Variants in ZNF732 observed in about 807,000 individuals in gnomAD.
ZNF732 encodes the protein zinc finger protein LOC654254.
A neutral mutation model predicts 11.5 loss-of-function variants in ZNF732; 12 were observed. The observed-to-expected ratio is 1.05, with a 90% CI of 0.67 to 1.70. ZNF732 has a LOEUF of 1.70. Among genes scored for constraint, ZNF732 ranks in the 40% most tolerant of loss-of-function variants. The pLI, the probability that ZNF732 is intolerant of heterozygous loss-of-function variation, is 0.00. For synonymous variants in ZNF732, 231 were observed against 236.5 expected, an observed-to-expected ratio of 0.98 and a Z score of 0.21; for missense variants, 702 against 676.9, an observed-to-expected ratio of 1.04 and a Z score of -0.41.
At chr4:286,927 C>T (rs577997664) in intron 3 of ZNF732, among the ~76,000 whole-genome samples, 50 of 152,080 alleles carry the variant, frequency 3.3e-4, no homozygotes, top group Non-Finnish European at 5.3e-4. Flanking sequence ...CCAAGGTGGG[C>T]GGATCACGGG....
chr4:273,760 A>G (rs575751086), intron 3 of ZNF732, among the ~76,000 whole-genome samples: 123 of 152,004 alleles, frequency 8.1e-4, no homozygotes, highest in South Asian at 5.2e-3. Flanking sequence ...GGAGCTGCAA[A>G]ATAAAAGTGA....
intron 3 of ZNF732, among the ~76,000 whole-genome samples, chr4:292,890 CAAAAAAAAAAAA>C (rs34118991): frequency 2.6e-4 from 21 of 79,410 alleles, no homozygotes; most frequent in African/African-American, 3.9e-4. Flanking sequence ...ACTAAAAACA[CAAAAAAAAAAAA>C]AAAAAAAAAA....
chr4:280,028 A>G (rs1226497439), intron 3 of ZNF732, among the ~76,000 whole-genome samples: 3 of 152,182 alleles, frequency 2.0e-5, no homozygotes. Flanking sequence ...TAAACACCAC[A>G]TGGTCATAAA....
chr4:274,784 T>G (rs1581532147), intron 3 of ZNF732, among the ~76,000 whole-genome samples: 2 of 151,618 alleles, frequency 1.3e-5, no homozygotes, highest in African/African-American at 4.8e-5. Context: ...TAAAAAGTCA[T>G]AAGAAAGAAG....
intron 3 of ZNF732, among the ~76,000 whole-genome samples, chr4:283,420 TG>T: frequency 6.6e-6 from 1 of 150,904 alleles, no homozygotes; most frequent in African/African-American, 2.4e-5. Context: ...GGTTCAAGGA[TG>T]AAAAAAAAAT....
At chr4:297,607 TAAAAAAAA>T (rs57681246) in intron 1 of ZNF732, among the ~76,000 whole-genome samples, 3 of 100,992 alleles carry the variant, frequency 3.0e-5, no homozygotes, top group African/African-American at 7.4e-5. Flanking sequence ...TTAAGATTTG[TAAAAAAAA>T]AAAAAAAAAA....
At chr4:274,650 TAAAAAGACTG>T (rs1473864569) in intron 3 of ZNF732, among the ~76,000 whole-genome samples, 3 of 151,600 alleles carry the variant, frequency 2.0e-5, no homozygotes, top group African/African-American at 7.2e-5. Context: ...TGTAATGATT[TAAAAAGACTG>T]AAAAAGGCAA....
At chr4:293,256 A>ATATATAATATATATG (rs1553841642) in intron 3 of ZNF732, among the ~76,000 whole-genome samples, 8 of 131,700 alleles carry the variant, frequency 6.1e-5, no homozygotes, top group African/African-American at 2.6e-4. Context: ...ATATATATAT[A>ATATATAATATATATG]CACATATATA....
intron 3 of ZNF732, among the ~76,000 whole-genome samples, chr4:274,257 G>A (rs1553838361): frequency 2.0e-5 from 3 of 151,506 alleles, no homozygotes; most frequent in African/African-American, 7.3e-5. Context: ...ATGAAGTTGA[G>A]GGCAGATGTA....
Position 296,009 on chromosome 4 carries a change from T to C in ZNF732, c.130+20A>G, listed in dbSNP as rs540166344. 4.5e-4 allele frequency: 723 copies of C among 1,606,064 alleles called. 6 individuals are homozygous for C. Among genetic ancestry groups the C allele is most frequent in the Admixed American group, 3.5e-3 (199 of 57,162 alleles). ...CTCCCTGAGGGAGTATTAGGAATTA[T>C]TTACTGAAGTTATCCTCACCCAGGG... On this transcript the variant is annotated intron_variant, in intron 2 of 3. Transcript: ENST00000419098.
intron 1 of ZNF732, among the ~76,000 whole-genome samples, chr4:298,735 C>T (rs889708218): frequency 1.3e-5 from 2 of 152,222 alleles, no homozygotes; most frequent in South Asian, 2.1e-4. Context: ...TGGATCCAGA[C>T]GTGATAGCCC....
chr4:286,768 T>C (rs1259150478), intron 3 of ZNF732, among the ~76,000 whole-genome samples: 2 of 152,180 alleles, frequency 1.3e-5, no homozygotes, highest in African/African-American at 4.8e-5. Flanking sequence ...CATAAAGGTT[T>C]GTTGTACAGA....
intron 3 of ZNF732, among the ~76,000 whole-genome samples, chr4:284,891 A>AAAAAAAAAG (rs782343752): frequency 5.0e-4 from 64 of 129,106 alleles, no homozygotes; most frequent in South Asian, 1.0e-3. Context: ...AAAAAAAAAA[A>AAAAAAAAAG]AAGAAGAAGA....
intron 3 of ZNF732, among the ~76,000 whole-genome samples, chr4:295,224 C>A (rs1719921933): frequency 6.6e-6 from 1 of 152,180 alleles, no homozygotes; most frequent in Admixed American, 6.5e-5. Flanking sequence ...TCCCTGTAAA[C>A]TTGAAGGGAG....
At position 282,779 on chromosome 4, in the gene ZNF732, CA is replaced by C. The variant is rs879985452; in HGVS notation, c.227-10150del. ...ATATTTTATGGTCCCTTGGAAATTA[CA>C]AAAAAAAAAATGTTGAAGATACATA... On this transcript the variant is annotated intron_variant, in intron 3 of 3. Transcript: ENST00000419098. 6.6e-3 allele frequency among the ~76,000 whole-genome samples: 874 copies of C among 131,486 alleles called. 18 individuals are homozygous for C. The highest frequency in any genetic ancestry group is 0.038 in the Admixed American group (509 of 13,324). The allele number at this position is 131,486 out of a possible 152,430, so 86.3% of individuals were successfully genotyped here. A position where few individuals can be genotyped will look rare whatever the true frequency, so the allele number is the denominator to read the frequency against.
At chr4:286,233 C>T (rs1189746188) in intron 3 of ZNF732, among the ~76,000 whole-genome samples, 1 of 152,158 alleles carries the variant, frequency 6.6e-6, no homozygotes, top group Non-Finnish European at 1.5e-5. Context: ...AAGCATCATA[C>T]ATCATTACTT....
At chr4:301,233 G>A (rs1448553543) in intron 1 of ZNF732, among the ~76,000 whole-genome samples, 1 of 152,198 alleles carries the variant, frequency 6.6e-6, no homozygotes, top group East Asian at 1.9e-4. Flanking sequence ...TGCTGGAGAG[G>A]ATGTGGAGAA....
intron 1 of ZNF732, among the ~76,000 whole-genome samples, chr4:304,474 T>A (rs1344769119): frequency 1.3e-5 from 2 of 152,086 alleles, no homozygotes; most frequent in East Asian, 1.9e-4. Context: ...CATCAGTCAA[T>A]GCTCCAACCC....
At chr4:299,382 TAC>T (rs781805807) in intron 1 of ZNF732, among the ~76,000 whole-genome samples, 2,686 of 92,258 alleles carry the variant, frequency 0.029, 242 homozygotes, top group South Asian at 0.18. Flanking sequence ...TATATATATA[TAC>T]ACATATGTAC....
Sources: allele counts gnomAD v4.1 joint callset (sites outside exome capture counted in the v4.1 genomes callset), GRCh38; gene constraint gnomAD v4.1.1; transcripts MANE v1.5; gene names NCBI Gene and HGNC (gene_info 2026-07-23, HGNC 2026-07-21).